MUC6: variants seen among roughly 807,000 people sequenced by gnomAD.
MUC6 encodes the protein mucin 6, oligomeric mucus/gel-forming (gene/pseudogene).
A neutral mutation model predicts 201.5 loss-of-function variants in MUC6; 188 were observed. That is an observed-to-expected ratio of 0.93 (90% CI 0.83 to 1.05). The LOEUF (loss-of-function observed/expected upper bound fraction) is 1.05. Among genes scored for constraint, MUC6 ranks in the 50% least tolerant of loss-of-function variants. The pLI is 0.00. For synonymous variants in MUC6, 1,228 were observed against 1,389.4 expected, an observed-to-expected ratio of 0.88 and a Z score of 2.58; for missense variants, 2,706 against 3,256.9, an observed-to-expected ratio of 0.83 and a Z score of 4.12.
Position 1,020,707 on chromosome 11 carries a change from G to C in MUC6, c.3617C>G (p.Thr1206Ser), listed in dbSNP as rs1381296044. ...ACCTGTGGTGGGCAGCTGCGGCGTG[G>C]TGGGTGGCTGCGGCGTGGTGGGCGG... ...CMPPTTPQPP[T>S]TPQLPTTGSR... The change falls in exon 28 of 33, where the codon ACC becomes AGC. Residue 1206 changes from threonine (T) to serine (S), a missense_variant. By Grantham distance (58) the Thr-to-Ser change is moderately conservative (BLOSUM62 1). Around this residue, in one of 10 missense-constraint regions of MUC6, gnomAD observed 1,850 missense variants for 1,958.3 expected, o/e 0.94. Coordinates refer to ENST00000421673, the MANE Select transcript of MUC6 (RefSeq NM_005961.3). 1.2e-6 allele frequency: 2 copies of C among 1,613,444 alleles called. No individual in the cohort carries two copies. The highest frequency in any genetic ancestry group is 2.7e-5 in the African/African-American group (2 of 75,044).
At chr11:1,014,575 C>T (rs1249318893) in intron 31 of MUC6, among the ~76,000 whole-genome samples, 1 of 152,186 alleles carries the variant, frequency 6.6e-6, no homozygotes, top group African/African-American at 2.4e-5. Context: ...GGGTACGTGG[C>T]AGGCAGCACA....
intron 31 of MUC6, among the ~76,000 whole-genome samples, chr11:1,015,105 A>G (rs1268081098): frequency 6.6e-6 from 1 of 152,204 alleles, no homozygotes; most frequent in African/African-American, 2.4e-5. Context: ...AGGGAGGGAC[A>G]TCCCTGGAAC....
At chr11:1,022,074 AGCCCCGC>A (rs1189688751) in intron 26 of MUC6, among the ~76,000 whole-genome samples, 10 of 115,616 alleles carry the variant, frequency 8.6e-5, no homozygotes, top group African/African-American at 2.8e-4. Flanking sequence ...TGCCCTCTGC[AGCCCCGC>A]GCCTCTCACT....
intron 31 of MUC6, among the ~76,000 whole-genome samples, chr11:1,014,242 T>G (rs1359119040): frequency 6.6e-6 from 1 of 152,210 alleles, no homozygotes; most frequent in Non-Finnish European, 1.5e-5. Context: ...AGGTAGAGAA[T>G]TTTCTCAGCG....
intron 22 of MUC6, 27 bp downstream of exon 22, chr11:1,025,778 C>G: frequency 1.3e-6 from 2 of 1,592,990 alleles, no homozygotes; most frequent in South Asian, 2.2e-5. Context: ...CCCGTCCTGC[C>G]CTGCCAGAGT....
chr11:1,031,390 G>T, intron 4 of MUC6, 131 bp from the exon 5 acceptor site: 2 of 1,165,130 alleles, frequency 1.7e-6, no homozygotes, highest in Non-Finnish European at 2.4e-6. Flanking sequence ...CTCTTCTTAT[G>T]GGAGGCTAAT....
rs1438556606 is a variant in MUC6, at chr11:1,033,053, G to T, written c.75C>A (p.Thr25=). The change falls in exon 2 of 33, where the codon ACC becomes ACA. Residue 25 remains threonine (T), a synonymous_variant. Transcript: ENST00000421673. The surrounding 1 kb of genome is among the most constrained non-coding windows in gnomAD (Gnocchi z 5.6). ...CCTTCAGCCTCTGGAGGCCTGGGCT[G>T]GTGTAGGAGGTGTTAGCCAGACCTG... ...LSAGLANTSY[T]SPGLQRLKDS... is the part of the protein sequence containing the mutation. 3 of 1,611,340 alleles carry T rather than the reference G, an allele frequency of 1.9e-6. No homozygotes were observed. The highest frequency in any genetic ancestry group is 2.5e-6 in the Non-Finnish European group (3 of 1,177,918).
rs780596530 is a variant in MUC6, at chr11:1,014,018, C to T, written c.7040-17G>A. The T allele has an allele frequency of 2.9e-5, 46 of 1,584,374 alleles. No individual in the cohort carries two copies. Among genetic ancestry groups the T allele is most frequent in the South Asian group, 1.3e-4 (11 of 87,544 alleles). On this transcript the variant is annotated splice_polypyrimidine_tract_variant and intron_variant, in intron 31 of 32. Coordinates refer to ENST00000421673, the MANE Select transcript of MUC6 (RefSeq NM_005961.3). ...TGCAGACCCCTGGTAGCCGAGTGGA[C>T]GGTCAGCAGCGCCCAGGGTGGGCAT...
At position 1,033,729 on chromosome 11, in the gene MUC6, C is replaced by T. The variant is rs1422659250; in HGVS notation, c.53-654G>A. 6.6e-6 allele frequency among the ~76,000 whole-genome samples: 1 copy of T among 151,994 alleles called. No homozygotes were observed. Among genetic ancestry groups the T allele is most frequent in the African/African-American group, 2.4e-5 (1 of 41,412 alleles). On this transcript the variant is annotated intron_variant, in intron 1 of 32. Transcript: ENST00000421673. This position sits in a 1 kb window ranked among gnomAD's most constrained non-coding sequence, Gnocchi z 5.6. ...CAGAGGCTGGGGTGGGGCCAACACC[C>T]CCCACGTCCCACCCCCTGTACCCAG...
intron 24 of MUC6, 87 bp from the exon 25 acceptor site, chr11:1,024,190 C>A: frequency 6.8e-7 from 1 of 1,474,382 alleles, no homozygotes; most frequent in South Asian, 1.3e-5. Context: ...TCAGTGTGGT[C>A]AGGCCGGAGT....
chr11:1,032,805 T>G (rs947525707), intron 2 of MUC6, among the ~76,000 whole-genome samples: 3 of 151,176 alleles, frequency 2.0e-5, no homozygotes, highest in African/African-American at 7.3e-5. Context: ...ATGTGTCATG[T>G]ACATGTGTAT....
chr11:1,031,311 G>T, intron 4 of MUC6, 52 bp from the exon 5 acceptor site: 1 of 1,481,938 alleles, frequency 6.7e-7, no homozygotes, highest in Non-Finnish European at 9.1e-7. Flanking sequence ...CCCCTCATCT[G>T]CTGTGGAGGG....
In MUC6 at chr11:1,025,232, T is replaced by C. The variant is rs1317606367; in HGVS notation, c.2935A>G (p.Ile979Val). 1 of 1,612,696 alleles carries C rather than the reference T, an allele frequency of 6.2e-7. No individual in the cohort carries two copies. ...AGGATGGTCATGTGCCTGTTCCAGATGAGCGTCAGGTTGTACCTCCCGGGG... is the reference window on the plus strand; with the variant it reads ...AGGATGGTCATGTGCCTGTTCCAGACGAGCGTCAGGTTGTACCTCCCGGGG... ...SIPGRYNLTL[I>V]WNRHMTILIR... is the part of the protein sequence containing the mutation. The change falls in exon 23 of 33, where the codon ATC (isoleucine) becomes GTC (valine). Residue 979 changes from isoleucine to valine, a missense_variant. By Grantham distance (29) the Ile-to-Val change is conservative. Coordinates refer to ENST00000421673, the MANE Select transcript of MUC6 (RefSeq NM_005961.3).
At chr11:1,019,181 C>G in intron 30 of MUC6, 94 bp downstream of exon 30, 1 of 1,378,032 alleles carries the variant, frequency 7.3e-7, no homozygotes, top group South Asian at 1.3e-5. Context: ...CTGGGAAATA[C>G]GGGGTCTTCT....
chr11:1,024,917 G>T lies in MUC6; in HGVS notation c.3152C>A (p.Ala1051Asp), dbSNP rs757856823. 6.2e-7 allele frequency: 1 copy of T among 1,612,854 alleles called. No homozygotes were observed. Among genetic ancestry groups the T allele is most frequent in the Non-Finnish European group, 8.5e-7 (1 of 1,179,884 alleles). The part of the protein sequence containing the change: ...SFVTDPCSLN[A>D]FRRSWAERKC... Reference sequence around the variant, plus strand: ...GCGCTCGGCCCAGGAGCGCCGGAAGGCATTGAGACTGCAGGGGTCTGTCAC... The same window carrying T: ...GCGCTCGGCCCAGGAGCGCCGGAAGTCATTGAGACTGCAGGGGTCTGTCAC... Residue 1051 changes from alanine (A) to aspartate (D), a missense_variant, in exon 24 of 33, where the codon GCC becomes GAC. Ala to Asp is a moderately radical substitution (Grantham distance 126). Transcript: ENST00000421673.
Position 1,027,262 on chromosome 11 carries a change from C to T in MUC6, c.2231+6G>A, listed in dbSNP as rs1856983218. 6.2e-7 allele frequency: 1 copy of T among 1,612,280 alleles called. No individual in the cohort carries two copies. The highest frequency in any genetic ancestry group is 1.1e-5 in the South Asian group (1 of 91,078). The stretch of plus-strand genomic sequence containing the variant: ...CCCCCCGCCTGGCCCCTGCCCGGTC[C>T]CTCACCAGGTGATGCCGTTGATGAC... On this transcript the variant is annotated splice_donor_region_variant and intron_variant, in intron 17 of 32. Coordinates refer to ENST00000421673, the MANE Select transcript of MUC6 (RefSeq NM_005961.3).
chr11:1,031,107 CCCCTG>C, intron 5 of MUC6, 51 bp from the exon 6 acceptor site: 1 of 1,444,888 alleles, frequency 6.9e-7, no homozygotes, highest in Non-Finnish European at 9.2e-7. Flanking sequence ...CTCAGAGGCC[CCCCTG>C]CCCTGCCCCC....
chr11:1,036,005 A>T (rs1415124860), intron 1 of MUC6, among the ~76,000 whole-genome samples: 1 of 152,078 alleles, frequency 6.6e-6, no homozygotes. Flanking sequence ...CCAGGATGTC[A>T]GTCCCTCCTG....
At chr11:1,022,906 G>A (rs867079969) in intron 26 of MUC6, among the ~76,000 whole-genome samples, 2 of 152,132 alleles carry the variant, frequency 1.3e-5, no homozygotes, top group Middle Eastern at 3.4e-3. Context: ...GAATGAATGT[G>A]CGTGAATGTG....
Sources: gnomAD v4.1 joint callset for allele counts (sites outside exome capture counted in the v4.1 genomes callset) on GRCh38, gnomAD v4.1.1 for gene constraint, gnomAD v4.1.1 regional missense constraint, Gnocchi (gnomAD v3.1) non-coding constraint, MANE v1.5 for transcripts, NCBI Gene and HGNC (gene_info 2026-07-23, HGNC 2026-07-21) for gene names.